The following CTDSPL2 variants were observed in gnomAD, a reference collection of about 807,000 sequenced individuals.
The protein encoded by CTDSPL2 is CTD small phosphatase-like protein 2.
Under a neutral mutation model 60.0 loss-of-function variants are expected in CTDSPL2, and 5 were observed. The observed-to-expected ratio is 0.08, with a 90% CI of 0.04 to 0.18. The LOEUF is 0.18. CTDSPL2 is among the 10% of genes least tolerant of loss of function. The pLI is 1.00. For missense variants in CTDSPL2, 370 were observed against 548.8 expected (o/e 0.67, Z 3.26); for synonymous variants, 186 against 189.3 (o/e 0.98, Z 0.14).
At chr15:44,481,165 G>A (rs1289697586) in intron 2 of CTDSPL2, among the ~76,000 whole-genome samples, 1 of 152,176 alleles carries the variant, frequency 6.6e-6, no homozygotes, top group African/African-American at 2.4e-5. Flanking sequence ...GCAAGACCCT[G>A]TCTCTACTGG....
intron 2 of CTDSPL2, among the ~76,000 whole-genome samples, chr15:44,476,800 AGTT>A (rs751546380): frequency 3.6e-4 from 55 of 152,226 alleles, no homozygotes; most frequent in Non-Finnish European, 4.7e-4. Flanking sequence ...AACATATCCC[AGTT>A]GTTATGTGAT....
At chr15:44,435,638 G>A (rs1480278983) in intron 1 of CTDSPL2, among the ~76,000 whole-genome samples, 3 of 138,904 alleles carry the variant, frequency 2.2e-5, no homozygotes, top group African/African-American at 5.4e-5. Flanking sequence ...GCGGAGTCTC[G>A]CTCTGTCACC....
intron 1 of CTDSPL2, among the ~76,000 whole-genome samples, chr15:44,429,184 A>G (rs1258104598): frequency 1.3e-5 from 2 of 152,210 alleles, no homozygotes; most frequent in Non-Finnish European, 2.9e-5. Flanking sequence ...CATTTGGTAG[A>G]CTTTGCCCAA....
At position 44,513,267 on chromosome 15, in the gene CTDSPL2, A is replaced by C. The variant is rs181652882; in HGVS notation, c.970-1331A>C. On this transcript the variant is annotated intron_variant, in intron 8 of 12. Transcript: ENST00000260327. ...GATCACCTGAGGTCAGGAGTTTGAG[A>C]CCAGCCTGCCCAACATGGCGAAACC... Among the ~76,000 whole-genome samples the C allele has an allele frequency of 1.0e-3, 158 of 152,146 alleles. 1 individual carries two copies. Among genetic ancestry groups the C allele is most frequent in the African/African-American group, 3.6e-3 (149 of 41,514 alleles).
chr15:44,462,652 C>T (rs922443608), intron 2 of CTDSPL2, among the ~76,000 whole-genome samples: 6 of 151,118 alleles, frequency 4.0e-5, no homozygotes, highest in African/African-American at 7.3e-5. Flanking sequence ...GGACTGGTAC[C>T]GTTCCATGGC....
At chr15:44,427,978 C>T in intron 1 of CTDSPL2, 1 of 313,954 alleles carries the variant, frequency 3.2e-6, no homozygotes, top group Middle Eastern at 8.4e-4. Context: ...AGAAAGGGAG[C>T]TCACTTCCCG....
At chr15:44,513,938 TCTGATACTGACCA>T (rs1309777078) in intron 8 of CTDSPL2, among the ~76,000 whole-genome samples, 1 of 152,208 alleles carries the variant, frequency 6.6e-6, no homozygotes, top group Non-Finnish European at 1.5e-5. Context: ...TGTAGTCTTT[TCTGATACTGACCA>T]GTAGGTTTTG....
chr15:44,502,098 T>G, intron 8 of CTDSPL2: 1 of 362,392 alleles, frequency 2.8e-6, no homozygotes, highest in Non-Finnish European at 5.5e-6. Flanking sequence ...GTGGCCCACT[T>G]AAAGGTAGAA....
intron 8 of CTDSPL2, chr15:44,503,944 G>A (rs961136816): frequency 6.6e-6 from 1 of 152,316 alleles, no homozygotes; most frequent in Admixed American, 6.5e-5. Flanking sequence ...GGGAAAAGTT[G>A]GGGGAAGAGG....
chr15:44,435,573 CAA>C (rs1238408347), intron 1 of CTDSPL2, among the ~76,000 whole-genome samples: 4 of 127,478 alleles, frequency 3.1e-5, no homozygotes. Flanking sequence ...GTCTCAAAAC[CAA>C]AAAAAAAAAG....
intron 1 of CTDSPL2, among the ~76,000 whole-genome samples, chr15:44,452,712 C>G (rs2080356546): frequency 6.6e-6 from 1 of 151,996 alleles, no homozygotes; most frequent in Non-Finnish European, 1.5e-5. Flanking sequence ...TTAAATTTGT[C>G]ATTCTTTTTA....
intron 4 of CTDSPL2, among the ~76,000 whole-genome samples, chr15:44,489,580 C>T (rs549306314): frequency 9.9e-5 from 15 of 152,146 alleles, no homozygotes; most frequent in African/African-American, 3.6e-4. Flanking sequence ...TGTTAATGTC[C>T]AGGTTATAGC....
chr15:44,445,338 C>T (rs1400396831), intron 1 of CTDSPL2, among the ~76,000 whole-genome samples: 1 of 151,932 alleles, frequency 6.6e-6, no homozygotes, highest in East Asian at 1.9e-4. Context: ...TAGGCATGCA[C>T]CATCACACCT....
Position 44,524,341 on chromosome 15 carries a change from C to T in CTDSPL2, c.*167C>T, listed in dbSNP as rs976344843. ...TAAGGGTTACAGAAAGAGACTTTAT[C>T]TATCTCAGATCGAATACATATAGTA... On this transcript the variant is annotated 3_prime_UTR_variant, in exon 13 of 13. Coordinates refer to ENST00000260327, the MANE Select transcript of CTDSPL2 (RefSeq NM_016396.3). 1 of 616,848 alleles carries T rather than the reference C, an allele frequency of 1.6e-6. No individual in the cohort carries two copies. Among genetic ancestry groups the T allele is most frequent in the Admixed American group, 2.8e-5 (1 of 35,984 alleles). 38.2% of individuals were successfully genotyped at this position (616,848 alleles called of 1,614,324 possible).
chr15:44,490,970 C>G lies in CTDSPL2; in HGVS notation c.662C>G (p.Thr221Arg), dbSNP rs1157589276. Residue 221 changes from threonine (T) to arginine (R), a missense_variant, in exon 5 of 13, where the codon ACA (threonine) becomes AGA (arginine). By Grantham distance (71) the Thr-to-Arg change is moderately conservative (BLOSUM62 -1). Transcript: ENST00000260327. ...LNNGLEEAEE[T>R]VNRDIPPLTA... ...AATGGTTTAGAAGAAGCAGAAGAAA[C>G]AGTTAATCGTGATATCCCACCCCTT... 1.2e-6 allele frequency: 2 copies of G among 1,614,060 alleles called. No individual in the cohort carries two copies. Among genetic ancestry groups the G allele is most frequent in the Admixed American group, 1.7e-5 (1 of 60,018 alleles).
chr15:44,508,043 GAT>G (rs1041252342), intron 8 of CTDSPL2, among the ~76,000 whole-genome samples: 1 of 151,918 alleles, frequency 6.6e-6, no homozygotes, highest in African/African-American at 2.4e-5. Context: ...CTGATGGTAA[GAT>G]AAGATTTTTT....
intron 1 of CTDSPL2, among the ~76,000 whole-genome samples, chr15:44,455,674 A>G (rs2080420086): frequency 6.6e-6 from 1 of 152,040 alleles, no homozygotes; most frequent in Admixed American, 6.6e-5. Context: ...ATCTATTGAG[A>G]TAATCATGTG....
chr15:44,459,616 T>G (rs2080522143), intron 2 of CTDSPL2, among the ~76,000 whole-genome samples: 1 of 152,208 alleles, frequency 6.6e-6, no homozygotes, highest in Non-Finnish European at 1.5e-5. Context: ...TTGGTGTTAA[T>G]TTTACTTCTA....
chr15:44,526,108 T>C lies in CTDSPL2; in HGVS notation c.*1934T>C, dbSNP rs2081868105. On this transcript the variant is annotated 3_prime_UTR_variant, in exon 13 of 13. Coordinates refer to ENST00000260327, the MANE Select transcript of CTDSPL2 (RefSeq NM_016396.3). ...AGAATCTTTGAAATGTATTTATCTT[T>C]AGGGCATCTGGGCATCTTTATGCTG... 1 of 152,190 alleles carries C rather than the reference T, an allele frequency of 6.6e-6. No individual in the cohort carries two copies. The highest frequency in any genetic ancestry group is 1.5e-5 in the Non-Finnish European group (1 of 68,000). 9.4% of individuals were successfully genotyped at this position (152,190 alleles called of 1,614,324 possible). A position where few individuals can be genotyped will look rare whatever the true frequency, so the allele number is the denominator to read the frequency against.
Sources: allele counts gnomAD v4.1 joint callset (sites outside exome capture counted in the v4.1 genomes callset), GRCh38; gene constraint gnomAD v4.1.1; transcripts MANE v1.5; gene names NCBI Gene and HGNC (gene_info 2026-07-23, HGNC 2026-07-21).